Variants in APOBEC3B observed in about 807,000 individuals in gnomAD.
APOBEC3B encodes the protein DNA dC->dU-editing enzyme APOBEC-3B.
In APOBEC3B, 29 loss-of-function variants were observed where a neutral mutation model predicts 53.4. The observed-to-expected ratio is 0.54, with a 90% CI of 0.40 to 0.74. APOBEC3B has a LOEUF of 0.74. Ranked by LOEUF, APOBEC3B falls within the 30% of genes least tolerant of loss-of-function variation. APOBEC3B has a pLI of 0.00. For synonymous variants in APOBEC3B, 132 were observed against 184.8 expected (o/e 0.71, Z 2.32); for missense variants, 347 against 496.2 (o/e 0.70, Z 2.86).
intron 4 of APOBEC3B, among the ~76,000 whole-genome samples, chr22:38,986,994 T>G (rs562698565): frequency 2.0e-5 from 3 of 148,720 alleles, no homozygotes; most frequent in Non-Finnish European, 4.5e-5. Flanking sequence ...TCCCTCCAGA[T>G]GTCCTCCCAT....
Position 38,986,359 on chromosome 22 carries a change from C to CA in APOBEC3B, c.519dup (p.Phe174IlefsTer3). The CA allele has an allele frequency of 6.3e-7, 1 of 1,593,968 alleles. No homozygotes were observed. The highest frequency in any genetic ancestry group is 8.5e-7 in the Non-Finnish European group (1 of 1,172,706). On this transcript the variant is annotated frameshift_variant, in exon 4 of 8. Coordinates refer to ENST00000333467, the MANE Select transcript of APOBEC3B (RefSeq NM_004900.5). LOFTEE classifies it high-confidence loss of function. The stretch of plus-strand genomic sequence containing the variant: ...AAGGTCAGCAATTCATGCCTTGGTA[C>CA]AAATTCGATGAAAATTATGCATTCC...
intron 4 of APOBEC3B, among the ~76,000 whole-genome samples, chr22:38,988,696 T>C (rs1259936548): frequency 8.7e-6 from 1 of 114,666 alleles, no homozygotes; most frequent in African/African-American, 3.6e-5. Context: ...TTTCTTTCTT[T>C]CTTTCTTTCT....
Position 38,987,389 on chromosome 22 carries a change from C to G in APOBEC3B, c.569+977C>G, listed in dbSNP as rs1006370818. On this transcript the variant is annotated intron_variant, in intron 4 of 7. Transcript: ENST00000333467. The stretch of plus-strand genomic sequence containing the variant: ...CTGCTTCTGAATGGGCCACCTCCCC[C>G]ACCTGCCCCAGGCCAGACCCCCTGC... 9.5e-5 allele frequency among the ~76,000 whole-genome samples: 14 copies of G among 148,126 alleles called. 1 individual carries two copies. The highest frequency in any genetic ancestry group is 2.7e-4 in the African/African-American group (11 of 40,700).
intron 6 of APOBEC3B, 45 bp from the exon 7 acceptor site, chr22:38,991,989 C>G (rs554127458): frequency 6.6e-7 from 1 of 1,517,308 alleles, no homozygotes; most frequent in Admixed American, 2.2e-5. Context: ...GTGCTGCCCC[C>G]TCCCCACAAC....
Position 38,989,479 on chromosome 22 carries a change from T to G in APOBEC3B, c.592T>G (p.Phe198Val). 1.3e-6 allele frequency: 2 copies of G among 1,580,458 alleles called. 1 individual carries two copies. Reference sequence around the variant, plus strand: ...CAGATACCTGATGGATCCAGACACATTCACTTTCAACTTTAATAATGACCC... The same window carrying G: ...CAGATACCTGATGGATCCAGACACAGTCACTTTCAACTTTAATAATGACCC... ...ILRYLMDPDTFTFNFNNDPLV... is the reference protein window; with the variant it reads ...ILRYLMDPDTVTFNFNNDPLV... The change falls in exon 5 of 8, where the codon TTC becomes GTC. Residue 198 changes from phenylalanine (F) to valine (V), a missense_variant. Physicochemically the swap from Phe to Val is conservative, Grantham distance 50. This residue lies in a region of APOBEC3B where 156 missense variants were observed against 166.7 expected (regional missense o/e 0.94). Transcript: ENST00000333467.
intron 1 of APOBEC3B, among the ~76,000 whole-genome samples, chr22:38,983,832 G>A (rs962167336): frequency 5.4e-5 from 8 of 148,654 alleles, no homozygotes; most frequent in Admixed American, 6.9e-5. Flanking sequence ...GGTGGGGAAT[G>A]TACCCCTGGA....
rs1471014936 is a variant in APOBEC3B at position 38,986,692 on chromosome 22, C to T, written c.569+280C>T. ...GGGTGGCCTGGGACACCAGCCGCTG[C>T]CCTTCTGTGACATGGGGACAAGAGG... On this transcript the variant is annotated intron_variant, in intron 4 of 7. Transcript: ENST00000333467. 1.3e-5 allele frequency among the ~76,000 whole-genome samples: 2 copies of T among 148,950 alleles called. 1 individual carries two copies. The highest frequency in any genetic ancestry group is 1.4e-4 in the Admixed American group (2 of 14,546).
chr22:38,986,452 A>G lies in APOBEC3B; in HGVS notation c.569+40A>G, dbSNP rs755171238. Reference sequence around the variant, plus strand: ...CTGGCCTCATCATCTCTCTCCTCTCACCTGCTCATCCTCCTGAGGCCTCCG... The same window carrying G: ...CTGGCCTCATCATCTCTCTCCTCTCGCCTGCTCATCCTCCTGAGGCCTCCG... On this transcript the variant is annotated intron_variant, in intron 4 of 7. Coordinates refer to ENST00000333467, the MANE Select transcript of APOBEC3B (RefSeq NM_004900.5). The G allele has an allele frequency of 1.6e-5, 25 of 1,578,010 alleles. 5 individuals are homozygous for G. The Middle Eastern group carries it at 1.0e-3, about 64-fold the overall frequency.
At chr22:38,985,262 A>G (rs1289189678) in intron 2 of APOBEC3B, among the ~76,000 whole-genome samples, 1 of 143,232 alleles carries the variant, frequency 7.0e-6, no homozygotes, top group East Asian at 2.4e-4. Context: ...ACTGAGTTTC[A>G]CTCTTTGTTG....
intron 4 of APOBEC3B, among the ~76,000 whole-genome samples, chr22:38,988,898 T>C (rs956465903): frequency 2.3e-4 from 33 of 146,170 alleles, no homozygotes; most frequent in South Asian, 2.3e-4. Context: ...AGCTGCCCCA[T>C]CTGGCCTGAG....
chr22:38,986,835 T>A (rs1317072976), intron 4 of APOBEC3B, among the ~76,000 whole-genome samples: 2 of 148,254 alleles, frequency 1.3e-5, no homozygotes, highest in Non-Finnish European at 3.0e-5. Flanking sequence ...CCCCACCCGC[T>A]ATTCCTCCCT....
intron 4 of APOBEC3B, 87 bp downstream of exon 4, chr22:38,986,499 C>T: frequency 7.0e-7 from 1 of 1,433,240 alleles, no homozygotes. Context: ...CTCCCGCCCT[C>T]CCTCTTGACC....
intron 4 of APOBEC3B, among the ~76,000 whole-genome samples, chr22:38,987,355 G>A (rs1172919599): frequency 6.8e-6 from 1 of 147,294 alleles, no homozygotes; most frequent in Non-Finnish European, 1.5e-5. Flanking sequence ...TTGTGTGGTC[G>A]CCCCACTGCT....
In APOBEC3B at chr22:38,988,289, C is replaced by T. The variant is rs1234371496; in HGVS notation, c.570-1168C>T. ...CCAATTCCAGGTCTCCTTCCACCTC[C>T]TGGGGCAGATGCACAGGGAGCCTGA... On this transcript the variant is annotated intron_variant, in intron 4 of 7. Coordinates refer to ENST00000333467, the MANE Select transcript of APOBEC3B (RefSeq NM_004900.5). Among the ~76,000 whole-genome samples the T allele has an allele frequency of 4.7e-5, 7 of 148,540 alleles. 1 individual carries two copies. The highest frequency in any genetic ancestry group is 1.7e-4 in the African/African-American group (7 of 40,854).
intron 5 of APOBEC3B, among the ~76,000 whole-genome samples, chr22:38,990,090 T>TGGGCCAGGAAAGGCTGAGG (rs11274700): frequency 0.61 from 87,730 of 144,568 alleles, 29,589 homozygotes; most frequent in South Asian, 0.75. Context: ...GGGGAAGAAC[T>TGGGCCAGGAAAGGCTGAGG]GGGCCAGGAA....
At chr22:38,984,896 T>TC (rs1923675107) in intron 2 of APOBEC3B, among the ~76,000 whole-genome samples, 2 of 24,990 alleles carry the variant, frequency 8.0e-5, no homozygotes, top group African/African-American at 3.2e-4. Flanking sequence ...CTTTTTTTCC[T>TC]TTTTTTTTTT....
chr22:38,986,975 A>G (rs1270639155), intron 4 of APOBEC3B, among the ~76,000 whole-genome samples: 2 of 148,542 alleles, frequency 1.3e-5, no homozygotes, highest in East Asian at 4.5e-4. Flanking sequence ...TGAGGGCAGG[A>G]TCCAGGGGTC....
In APOBEC3B at chr22:38,992,627, T is replaced by C; in HGVS notation, c.*182T>C. The stretch of plus-strand genomic sequence containing the variant: ...AAAATCAGAGTCAATTAATTTTAAT[T>C]GAAAATTTCTCTTATGTTCCAAGTG... On this transcript the variant is annotated 3_prime_UTR_variant, in exon 8 of 8. Coordinates refer to ENST00000333467, the MANE Select transcript of APOBEC3B (RefSeq NM_004900.5). 1.4e-6 allele frequency: 2 copies of C among 1,474,276 alleles called. No homozygotes were observed. Among genetic ancestry groups the C allele is most frequent in the South Asian group, 1.4e-5 (1 of 72,198 alleles). 91.3% of individuals were successfully genotyped at this position (1,474,276 alleles called of 1,614,324 possible).
Position 38,986,382 on chromosome 22 carries a change from T to C in APOBEC3B, c.539T>C (p.Phe180Ser), listed in dbSNP as rs193235636. 251 of 1,593,810 alleles carry C rather than the reference T, an allele frequency of 1.6e-4. 52 individuals carry two copies. The Admixed American group carries it at 3.4e-3, about 21-fold the overall frequency. The change falls in exon 4 of 8, where the codon TTC becomes TCC. Residue 180 changes from phenylalanine (F) to serine (S), a missense_variant. By Grantham distance (155) the Phe-to-Ser change is radical. This residue lies in a region of APOBEC3B where 156 missense variants were observed against 166.7 expected (regional missense o/e 0.94). Coordinates refer to ENST00000333467, the MANE Select transcript of APOBEC3B (RefSeq NM_004900.5). ...TACAAATTCGATGAAAATTATGCAT[T>C]CCTGCACCGCACGCTAAAGGAGATT... ...PWYKFDENYA[F>S]LHRTLKEILR...
Sources: gnomAD v4.1 joint callset for allele counts (sites outside exome capture counted in the v4.1 genomes callset) on GRCh38, gnomAD v4.1.1 for gene constraint, gnomAD v4.1.1 regional missense constraint, MANE v1.5 for transcripts, NCBI Gene and HGNC (gene_info 2026-07-23, HGNC 2026-07-21) for gene names.